STK32A: variants seen among roughly 807,000 people sequenced by gnomAD.
STK32A encodes the protein serine/threonine kinase 32A.
In STK32A, 41 loss-of-function variants were observed where a neutral mutation model predicts 53.2. That is an observed-to-expected ratio of 0.77 (90% confidence interval 0.60 to 1.00). The LOEUF is 1.00. Among genes scored for constraint, STK32A ranks in the 50% least tolerant of loss-of-function variants. STK32A has a pLI of 0.00. For missense variants in STK32A, 458 were observed against 485.8 expected (o/e 0.94, Z 0.54); for synonymous variants, 166 against 162.8 (o/e 1.02, Z -0.15).
At chr5:147,318,153 T>A (rs569803272) in intron 4 of STK32A, among the ~76,000 whole-genome samples, 8 of 152,200 alleles carry the variant, frequency 5.3e-5, no homozygotes, top group Non-Finnish European at 1.0e-4. Context: ...CCTAAGCAGC[T>A]GTATACTATA....
At chr5:147,399,552 A>C in the STK32A span, among the ~76,000 whole-genome samples, 1 of 152,294 alleles carries the variant, frequency 6.6e-6, no homozygotes, top group East Asian at 1.9e-4. Context: ...TTCAAAAAGG[A>C]TTATGGAGAG....
intron 4 of STK32A, among the ~76,000 whole-genome samples, chr5:147,281,887 C>G (rs1420294588): frequency 2.6e-5 from 4 of 152,090 alleles, no homozygotes; most frequent in Non-Finnish European, 5.9e-5. Flanking sequence ...AAAGGAAAAC[C>G]TATTAGATTA....
chr5:147,396,659 C>T, the STK32A span, among the ~76,000 whole-genome samples: 1 of 152,026 alleles, frequency 6.6e-6, no homozygotes, highest in Admixed American at 6.5e-5. Context: ...ATCTGTACTC[C>T]CCAAAACCAA....
rs1289644137 is a variant in STK32A at position 147,384,671 on chromosome 5, T to G, written c.*688T>G. On this transcript the variant is annotated 3_prime_UTR_variant, in exon 13 of 13. Coordinates refer to ENST00000397936, the MANE Select transcript of STK32A (RefSeq NM_001112724.2). ...TGAAATTGGTAATAATGGGAGCATTTACACCACGGAAACTGGTAAATGCTC... is the reference window on the plus strand; with the variant it reads ...TGAAATTGGTAATAATGGGAGCATTGACACCACGGAAACTGGTAAATGCTC... 2.4e-6 allele frequency: 1 copy of G among 423,904 alleles called. No individual in the cohort carries two copies. Among genetic ancestry groups the G allele is most frequent in the African/African-American group, 2.0e-5 (1 of 49,188 alleles). 26.3% of individuals were successfully genotyped at this position (423,904 alleles called of 1,614,324 possible). A position where few individuals can be genotyped will look rare whatever the true frequency, so the allele number is the denominator to read the frequency against.
intron 1 of STK32A, among the ~76,000 whole-genome samples, chr5:147,235,598 A>G (rs937260330): frequency 1.3e-5 from 2 of 152,248 alleles, no homozygotes; most frequent in African/African-American, 4.8e-5. Context: ...CAGCACTTAA[A>G]AAGCTAAAAT....
chr5:147,359,419 T>C (rs993869603), intron 7 of STK32A, among the ~76,000 whole-genome samples: 1 of 152,142 alleles, frequency 6.6e-6, no homozygotes, highest in Admixed American at 6.5e-5. Context: ...AAAAGAATAC[T>C]GGATAAATAA....
intron 9 of STK32A, among the ~76,000 whole-genome samples, chr5:147,371,701 A>G (rs1757013258): frequency 6.6e-6 from 1 of 152,316 alleles, no homozygotes; most frequent in African/African-American, 2.4e-5. Flanking sequence ...CACATGATCA[A>G]TGGACTTATC....
chr5:147,322,099 G>T (rs926002702), intron 4 of STK32A, among the ~76,000 whole-genome samples: 1 of 152,182 alleles, frequency 6.6e-6, no homozygotes, highest in South Asian at 2.1e-4. Context: ...TGTTGCTGCA[G>T]TTGGAAGGCT....
intron 4 of STK32A, among the ~76,000 whole-genome samples, chr5:147,299,039 C>T (rs184841269): frequency 6.6e-6 from 1 of 152,106 alleles, no homozygotes; most frequent in Non-Finnish European, 1.5e-5. Context: ...GTTCTTGGAT[C>T]TCACGCAAGA....
chr5:147,348,881 C>A (rs1755818939), intron 6 of STK32A: 4 of 625,172 alleles, frequency 6.4e-6, no homozygotes, highest in Non-Finnish European at 8.9e-6. Context: ...TTTCTAATAA[C>A]CTCTTGAGAA....
intron 2 of STK32A, among the ~76,000 whole-genome samples, chr5:147,253,375 TTTGG>T (rs1754084956): frequency 6.6e-6 from 1 of 152,160 alleles, no homozygotes; most frequent in Admixed American, 6.5e-5. Context: ...TCTAAAGCAG[TTTGG>T]TTGGTTTATT....
chr5:147,275,970 T>C lies in STK32A; in HGVS notation c.53-2154T>C, dbSNP rs7737995. On this transcript the variant is annotated intron_variant, in intron 2 of 12. Coordinates refer to ENST00000397936, the MANE Select transcript of STK32A (RefSeq NM_001112724.2). ...TCATGCTTTCTAGGTACCTGCTGCA[T>C]CCTTGGAGATTCAAAATGTCATCAT... Among the ~76,000 whole-genome samples, 587 of 152,308 alleles carry C rather than the reference T, an allele frequency of 3.9e-3. 1 individual carries two copies. Among genetic ancestry groups the C allele is most frequent in the African/African-American group, 0.013 (545 of 41,576 alleles).
At chr5:147,282,937 C>T (rs1354235212) in intron 4 of STK32A, among the ~76,000 whole-genome samples, 1 of 152,110 alleles carries the variant, frequency 6.6e-6, no homozygotes, top group African/African-American at 2.4e-5. Flanking sequence ...TACCTTGAAA[C>T]AAATGGATTT....
chr5:147,278,121 C>T lies in STK32A; in HGVS notation c.53-3C>T. On this transcript the variant is annotated splice_polypyrimidine_tract_variant and splice_region_variant and intron_variant, in intron 2 of 12. Coordinates refer to ENST00000397936, the MANE Select transcript of STK32A (RefSeq NM_001112724.2). ...CATGATATTCTTCTTTTTTGTTTTA[C>T]AGTCAACTTTGACCACTTTGAAATT... 1 of 1,588,108 alleles carries T rather than the reference C, an allele frequency of 6.3e-7. No individual in the cohort carries two copies. Among genetic ancestry groups the T allele is most frequent in the Non-Finnish European group, 8.6e-7 (1 of 1,165,908 alleles).
At chr5:147,345,653 C>T (rs1342554102) in intron 6 of STK32A, among the ~76,000 whole-genome samples, 3 of 151,924 alleles carry the variant, frequency 2.0e-5, no homozygotes, top group Non-Finnish European at 4.4e-5. Context: ...GTACATTCTG[C>T]TGTCTTTCAT....
chr5:147,301,276 G>T (rs1753119494), intron 4 of STK32A, among the ~76,000 whole-genome samples: 1 of 130,480 alleles, frequency 7.7e-6, no homozygotes, highest in Non-Finnish European at 1.6e-5. Flanking sequence ...GAGAATGCCT[G>T]GTTGTTTATT....
chr5:147,369,381 C>T (rs1431420942), intron 8 of STK32A, among the ~76,000 whole-genome samples: 2 of 152,150 alleles, frequency 1.3e-5, no homozygotes, highest in African/African-American at 2.4e-5. Flanking sequence ...TATTCATTCA[C>T]ATTTACATAT....
intron 2 of STK32A, among the ~76,000 whole-genome samples, chr5:147,262,544 T>C (rs62377682): frequency 0.13 from 19,885 of 151,560 alleles, 1,432 homozygotes; most frequent in Admixed American, 0.17. Context: ...ACCACATTCC[T>C]GTAAGGTAGG....
chr5:147,337,036 G>A (rs2151985094), intron 5 of STK32A, among the ~76,000 whole-genome samples: 1 of 152,246 alleles, frequency 6.6e-6, no homozygotes, highest in Non-Finnish European at 1.5e-5. Context: ...TGACTCCAGG[G>A]GAGGCGCAAT....
Sources: gnomAD v4.1 joint callset for allele counts (sites outside exome capture counted in the v4.1 genomes callset) on GRCh38, gnomAD v4.1.1 for gene constraint, MANE v1.5 for transcripts, NCBI Gene and HGNC (gene_info 2026-07-23, HGNC 2026-07-21) for gene names.